The following WDR5 variants were observed in gnomAD, a reference collection of about 807,000 sequenced individuals.
WDR5 encodes WD repeat-containing protein 5.
For synonymous variants in WDR5, 144 were observed against 161.6 expected (o/e 0.89, Z 0.83); for missense variants, 187 against 416.9 (o/e 0.45, Z 4.80).
At chr9:134,144,462 A>G (rs1291218036) in intron 7 of WDR5, among the ~76,000 whole-genome samples, 2 of 152,226 alleles carry the variant, frequency 1.3e-5, no homozygotes, top group Non-Finnish European at 2.9e-5. Context: ...TAGAGGCCAA[A>G]GATAGCGCAG....
At chr9:134,147,549 C>T (rs1184012300) in intron 7 of WDR5, among the ~76,000 whole-genome samples, 1 of 152,152 alleles carries the variant, frequency 6.6e-6, no homozygotes, top group African/African-American at 2.4e-5. Flanking sequence ...TCTAAAATGT[C>T]AGTGGTGCCA....
intron 7 of WDR5, among the ~76,000 whole-genome samples, chr9:134,143,164 A>T (rs28415637): frequency 6.6e-6 from 1 of 151,260 alleles, no homozygotes; most frequent in Non-Finnish European, 1.5e-5. Flanking sequence ...CCTGGTGGGA[A>T]GTGTTGGAGG....
intron 9 of WDR5, 109 bp from the exon 10 acceptor site, chr9:134,154,357 G>T: frequency 9.0e-7 from 1 of 1,115,996 alleles, no homozygotes; most frequent in Non-Finnish European, 1.4e-6. Flanking sequence ...GATGGTGGTG[G>T]CCGACCTCAC....
In WDR5 at chr9:134,140,912, GACGTAGCAGGCCGCTGGGGGGC is replaced by G. The variant is rs1287438919; in HGVS notation, c.190+113_190+134del. 16 of 1,131,074 alleles carry G rather than the reference GACGTAGCAGGCCGCTGGGGGGC, an allele frequency of 1.4e-5. No individual in the cohort carries two copies. In the Admixed American group the frequency reaches 1.4e-4, roughly 10 times the overall value. 70.1% of individuals were successfully genotyped at this position (1,131,074 alleles called of 1,614,324 possible). On this transcript the variant is annotated intron_variant, in intron 3 of 13. Transcript: ENST00000358625. ...TTGCTTCCTCACCTACCGCTGGGGA[GACGTAGCAGGCCGCTGGGGGGC>G]ACGTAGCAGGCGGGTGTGTCTCCTC...
chr9:134,145,264 A>C (rs1832130132), intron 7 of WDR5, among the ~76,000 whole-genome samples: 1 of 151,824 alleles, frequency 6.6e-6, no homozygotes, highest in Admixed American at 6.6e-5. Context: ...ACGACTGGCT[A>C]ATTTTTGTAT....
intron 7 of WDR5, among the ~76,000 whole-genome samples, chr9:134,144,320 C>A (rs1832058488): frequency 6.6e-6 from 1 of 152,322 alleles, no homozygotes; most frequent in East Asian, 1.9e-4. Flanking sequence ...CGCTGCCCTC[C>A]AGGACACCTT....
intron 7 of WDR5, among the ~76,000 whole-genome samples, chr9:134,148,013 AT>A (rs1423834542): frequency 2.6e-5 from 4 of 151,940 alleles, no homozygotes; most frequent in Admixed American, 2.6e-4. Context: ...ATATATAAAA[AT>A]TAGCTGGGCG....
intron 10 of WDR5, 52 bp from the exon 11 acceptor site, chr9:134,155,288 G>T: frequency 1.3e-6 from 2 of 1,526,832 alleles, no homozygotes; most frequent in South Asian, 2.6e-5. Context: ...TGGGTGTGGG[G>T]ACAGAAGGAT....
At chr9:134,154,610 G>A (rs115176455) in intron 10 of WDR5, 69 bp downstream of exon 10, 23,869 of 1,552,248 alleles carry the variant, frequency 0.015, 301 homozygotes, top group African/African-American at 0.066. Flanking sequence ...GCGTGCCAGC[G>A]TGAGCCTTTG....
At chr9:134,138,516 G>A (rs1037585028) in intron 1 of WDR5, among the ~76,000 whole-genome samples, 2 of 152,188 alleles carry the variant, frequency 1.3e-5, no homozygotes, top group African/African-American at 2.4e-5. Context: ...GGCATTTACC[G>A]AGGACCGGTT....
chr9:134,139,192 A>G (rs1482062324), intron 1 of WDR5, among the ~76,000 whole-genome samples: 2 of 152,124 alleles, frequency 1.3e-5, no homozygotes, highest in African/African-American at 4.8e-5. Flanking sequence ...GCTTGCTCTC[A>G]TCTCTGTGTT....
chr9:134,155,807 C>T (rs749091218), intron 12 of WDR5, 40 bp downstream of exon 12: 5 of 1,591,576 alleles, frequency 3.1e-6, no homozygotes, highest in Non-Finnish European at 3.4e-6. Flanking sequence ...CTGTTCCCAG[C>T]TTACTCTCCC....
rs368799998 is a variant in WDR5 at position 134,142,771 on chromosome 9, C to T, written c.528+52C>T. The T allele has an allele frequency of 1.2e-5, 19 of 1,579,678 alleles. No individual in the cohort carries two copies. The African/African-American group carries it at 1.5e-4, about 12-fold the overall frequency. The stretch of plus-strand genomic sequence containing the variant: ...GGTGTCCAGCACTACGTTTCTCTGA[C>T]ATCGGATGTGGCCAGCTGTCTCCCT... On this transcript the variant is annotated intron_variant, in intron 7 of 13. Coordinates refer to ENST00000358625, the MANE Select transcript of WDR5 (RefSeq NM_017588.3).
In WDR5 at chr9:134,142,051, C is replaced by T; in HGVS notation, c.354+13C>T. On this transcript the variant is annotated intron_variant, in intron 5 of 13. Transcript: ENST00000358625. ...GGACGTGAGCTCGGTAAGTGACACT[C>T]AGTGCTTCTCTCCAGGGGAGACCGG... 1 of 1,612,558 alleles carries T rather than the reference C, an allele frequency of 6.2e-7. No individual in the cohort carries two copies. Among genetic ancestry groups the T allele is most frequent in the African/African-American group, 1.3e-5 (1 of 74,980 alleles).
In WDR5 at chr9:134,152,661, TGAG is replaced by T. The variant is rs1426335257; in HGVS notation, c.631+637_631+639del. Among the ~76,000 whole-genome samples, 7 of 152,298 alleles carry T rather than the reference TGAG, an allele frequency of 4.6e-5. No homozygotes were observed. In the East Asian group the frequency reaches 5.8e-4, roughly 13 times the overall value. On this transcript the variant is annotated intron_variant, in intron 9 of 13. Coordinates refer to ENST00000358625, the MANE Select transcript of WDR5 (RefSeq NM_017588.3). ...TAGATGTGTGGGATGGGGCGCACCT[TGAG>T]GAGGGAGCTGGGTGGTGAGGATGGG...
At chr9:134,136,652 G>A (rs1411786329) in intron 1 of WDR5, among the ~76,000 whole-genome samples, 1 of 152,216 alleles carries the variant, frequency 6.6e-6, no homozygotes, top group African/African-American at 2.4e-5. Context: ...CCCAACCCGA[G>A]GCAGCCAGGC....
chr9:134,157,967 A>G lies in WDR5; in HGVS notation c.979A>G (p.Ile327Val). The change falls in exon 14 of 14, where the codon ATT becomes GTT. Residue 327 changes from isoleucine to valine, a missense_variant. By Grantham distance (29) the Ile-to-Val change is conservative. Coordinates refer to ENST00000358625, the MANE Select transcript of WDR5 (RefSeq NM_017588.3). The surrounding 1 kb of genome is among the most constrained non-coding windows in gnomAD (Gnocchi z 5.0). ...ASAALENDKT[I>V]KLWKSDC ...TGCTGCGCTAGAAAATGACAAAACAATTAAACTGTGGAAGAGTGACTGCTA... is the reference window on the plus strand; with the variant it reads ...TGCTGCGCTAGAAAATGACAAAACAGTTAAACTGTGGAAGAGTGACTGCTA... The G allele has an allele frequency of 3.7e-6, 6 of 1,613,992 alleles. No individual in the cohort carries two copies. Among genetic ancestry groups the G allele is most frequent in the South Asian group, 1.1e-5 (1 of 91,088 alleles).
intron 6 of WDR5, 72 bp downstream of exon 6, chr9:134,142,494 A>G: frequency 3.2e-6 from 5 of 1,586,588 alleles, no homozygotes; most frequent in Non-Finnish European, 4.3e-6. Context: ...ATTTGCTTGT[A>G]GCCACTGTGG....
rs536731941 is a variant in WDR5 at position 134,144,488 on chromosome 9, G to C, written c.528+1769G>C. 2.2e-4 allele frequency among the ~76,000 whole-genome samples: 33 copies of C among 152,336 alleles called. No homozygotes were observed. The South Asian group carries it at 6.6e-3, about 31-fold the overall frequency. Reference sequence around the variant, plus strand: ...GATAGCGCAGGTGGGACTCGCGGTTGATAGGTAGGATTTTAAAAGTCTTTT... The same window carrying C: ...GATAGCGCAGGTGGGACTCGCGGTTCATAGGTAGGATTTTAAAAGTCTTTT... On this transcript the variant is annotated intron_variant, in intron 7 of 13. Coordinates refer to ENST00000358625, the MANE Select transcript of WDR5 (RefSeq NM_017588.3).
Sources: allele counts gnomAD v4.1 joint callset (sites outside exome capture counted in the v4.1 genomes callset), GRCh38; gene constraint gnomAD v4.1.1; non-coding constraint Gnocchi (gnomAD v3.1); transcripts MANE v1.5; gene names NCBI Gene and HGNC (gene_info 2026-07-23, HGNC 2026-07-21).